Variants in NLGN4X observed in about 807,000 individuals in gnomAD.
NLGN4X encodes neuroligin 4 X-linked.
A neutral mutation model predicts 40.3 loss-of-function variants in NLGN4X; 3 were observed. That is an observed-to-expected ratio of 0.07 (90% confidence interval 0.03 to 0.19). NLGN4X has a LOEUF of 0.19. Ranked by LOEUF, NLGN4X falls within the 10% of genes least tolerant of loss-of-function variation. NLGN4X has a pLI of 1.00. For synonymous variants in NLGN4X, 270 were observed against 306.8 expected, an observed-to-expected ratio of 0.88 and a Z score of 1.25; for missense variants, 382 against 708.3, an observed-to-expected ratio of 0.54 and a Z score of 5.23.
chrX:6,049,095 C>A (rs1460830164), intron 2 of NLGN4X, among the ~76,000 whole-genome samples: 1 of 100,494 alleles, frequency 1.0e-5, no homozygotes, highest in African/African-American at 3.6e-5. Flanking sequence ...ATTAAGAAAC[C>A]ATGTACAAAA....
intron 4 of NLGN4X, 82 bp from the exon 5 acceptor site, chrX:5,903,948 T>C (rs1041143182): frequency 4.5e-6 from 5 of 1,122,256 alleles, no homozygotes; most frequent in Non-Finnish European, 3.7e-6. Flanking sequence ...AAGGCTGTGA[T>C]TGTCTCTCAG....
At chrX:6,040,941 CA>C (rs1339894524) in intron 2 of NLGN4X, among the ~76,000 whole-genome samples, 2 of 111,230 alleles carry the variant, frequency 1.8e-5, no homozygotes, top group Admixed American at 9.6e-5. Context: ...TGATCCCCCC[CA>C]AAAAAATATG....
chrX:6,143,471 G>A (rs983454198), intron 2 of NLGN4X, among the ~76,000 whole-genome samples: 3 of 112,208 alleles, frequency 2.7e-5, no homozygotes, highest in East Asian at 2.8e-4. Context: ...GTGCAGCCGC[G>A]ATCTTGAGTG....
At position 6,152,076 on chromosome X, in the gene NLGN4X, G is replaced by A. The variant is rs5961940; in HGVS notation, c.-305-305C>T. Among the ~76,000 whole-genome samples the A allele has an allele frequency of 0.077, 8,519 of 110,573 alleles. 236 individuals are homozygous for A. The highest frequency in any genetic ancestry group is 0.15 in the East Asian group (511 of 3,468). On this transcript the variant is annotated intron_variant, in intron 1 of 5. Transcript: ENST00000381095. ...ACCCATCCTCCCGCCTCACCCTCCC[G>A]AGTAGCTGGGACCACAAGCATGCAC... is the stretch of plus-strand genomic sequence containing the variant.
chrX:6,225,689 CT>C (rs749574818), intron 1 of NLGN4X, among the ~76,000 whole-genome samples: 152 of 26,798 alleles, frequency 5.7e-3, no homozygotes, highest in Admixed American at 0.016. Flanking sequence ...TTCTTTTTTT[CT>C]TTTTTTTTTT....
At chrX:6,064,517 C>T (rs1425459617) in intron 2 of NLGN4X, among the ~76,000 whole-genome samples, 1 of 111,647 alleles carries the variant, frequency 9.0e-6, no homozygotes, top group Non-Finnish European at 1.9e-5. Context: ...GGCAGGTGAG[C>T]TAAAGAGAGA....
chrX:6,119,654 A>T (rs2039377557), intron 2 of NLGN4X, among the ~76,000 whole-genome samples: 1 of 111,380 alleles, frequency 9.0e-6, no homozygotes, highest in Admixed American at 9.6e-5. Context: ...CACCTCATCC[A>T]CAGTCACATA....
chrX:6,047,514 G>C (rs1466574376), intron 2 of NLGN4X, among the ~76,000 whole-genome samples: 1 of 111,381 alleles, frequency 9.0e-6, no homozygotes, highest in African/African-American at 3.3e-5. Context: ...ATGGATGATG[G>C]AGTAGGAAGA....
Position 6,094,416 on chromosome X carries a change from A to T in NLGN4X, c.472+56579T>A, listed in dbSNP as rs190388162. Among the ~76,000 whole-genome samples, 25 of 110,629 alleles carry T rather than the reference A, an allele frequency of 2.3e-4. No individual in the cohort carries two copies. The East Asian group carries it at 6.9e-3, about 31-fold the overall frequency. On this transcript the variant is annotated intron_variant, in intron 2 of 5. Coordinates refer to ENST00000381095, the MANE Select transcript of NLGN4X (RefSeq NM_181332.3). Reference sequence around the variant, plus strand: ...AGCTGGGACCAGCTTCTCTATTCATATGCACTTCTGGCTTCTGGACTCTCT... The same window carrying T: ...AGCTGGGACCAGCTTCTCTATTCATTTGCACTTCTGGCTTCTGGACTCTCT...
chrX:6,006,620 G>A (rs1210174737), intron 3 of NLGN4X, among the ~76,000 whole-genome samples: 9 of 111,320 alleles, frequency 8.1e-5, no homozygotes, highest in African/African-American at 2.9e-4. Flanking sequence ...TTTCAAACGA[G>A]CTATTTTACC....
intron 2 of NLGN4X, among the ~76,000 whole-genome samples, chrX:6,047,036 C>T (rs2037344174): frequency 9.2e-6 from 1 of 108,618 alleles, no homozygotes; most frequent in African/African-American, 3.3e-5. Flanking sequence ...AGGATATATA[C>T]ACATATATGT....
chrX:6,025,451 G>A (rs2036664934), intron 3 of NLGN4X, among the ~76,000 whole-genome samples: 1 of 111,891 alleles, frequency 8.9e-6, no homozygotes, highest in South Asian at 3.7e-4. Context: ...GCCATTACAG[G>A]TTGGGTCAGC....
intron 3 of NLGN4X, among the ~76,000 whole-genome samples, chrX:5,936,765 A>G (rs2033746195): frequency 8.9e-6 from 1 of 112,135 alleles, no homozygotes; most frequent in South Asian, 3.7e-4. Flanking sequence ...TAACACAGAG[A>G]AGCAAAACTC....
intron 1 of NLGN4X, among the ~76,000 whole-genome samples, chrX:6,211,687 A>G (rs185375067): frequency 2.7e-5 from 3 of 112,031 alleles, no homozygotes. Context: ...TACCATACAA[A>G]GATGTGATCT....
At position 6,039,455 on chromosome X, in the gene NLGN4X, C is replaced by T. The variant is rs149351244; in HGVS notation, c.473-10023G>A. Among the ~76,000 whole-genome samples the T allele has an allele frequency of 2.3e-3, 254 of 111,972 alleles. 1 individual carries two copies. Among genetic ancestry groups the T allele is most frequent in the African/African-American group, 7.7e-3 (239 of 30,848 alleles). On this transcript the variant is annotated intron_variant, in intron 2 of 5. Coordinates refer to ENST00000381095, the MANE Select transcript of NLGN4X (RefSeq NM_181332.3). ...GCAGAGGCTCATAAGCAGTAATAGG[C>T]GCTTATTGTCTTAAGGCATTGACTT... is the stretch of plus-strand genomic sequence containing the variant.
At chrX:6,087,644 T>C (rs976458534) in intron 2 of NLGN4X, among the ~76,000 whole-genome samples, 3 of 111,698 alleles carry the variant, frequency 2.7e-5, no homozygotes, top group African/African-American at 9.8e-5. Flanking sequence ...AGTGGGTCTC[T>C]TTCTAAATTT....
intron 2 of NLGN4X, among the ~76,000 whole-genome samples, chrX:6,071,595 C>T (rs894989181): frequency 1.8e-5 from 2 of 110,854 alleles, no homozygotes; most frequent in African/African-American, 6.6e-5. Context: ...CTCATGGTCC[C>T]GGAGAAATCC....
chrX:6,176,413 G>A (rs1422600930), intron 1 of NLGN4X, among the ~76,000 whole-genome samples: 1 of 112,039 alleles, frequency 8.9e-6, no homozygotes, highest in Non-Finnish European at 1.9e-5. Context: ...CGGACCCCCC[G>A]GGATGACCAT....
intron 2 of NLGN4X, among the ~76,000 whole-genome samples, chrX:6,029,747 C>G (rs1305836060): frequency 8.9e-6 from 1 of 111,781 alleles, no homozygotes; most frequent in Non-Finnish European, 1.9e-5. Flanking sequence ...AAATTTTGCT[C>G]AAACCCTAAA....
Sources: allele counts gnomAD v4.1 joint callset (sites outside exome capture counted in the v4.1 genomes callset), GRCh38; gene constraint gnomAD v4.1.1; transcripts MANE v1.5; gene names NCBI Gene and HGNC (gene_info 2026-07-23, HGNC 2026-07-21).